Variants in ANTXR2 observed in about 807,000 individuals in gnomAD.
ANTXR2 encodes ANTXR cell adhesion molecule 2.
A neutral mutation model predicts 73.7 loss-of-function variants in ANTXR2; 44 were observed. The ratio of observed to expected loss-of-function variants is 0.60; its 90% CI spans 0.47 to 0.77. The LOEUF is 0.77. ANTXR2 is among the 30% of genes least tolerant of loss of function. ANTXR2 has a pLI of 0.00. For missense variants in ANTXR2, 604 were observed against 592.5 expected (o/e 1.02, Z -0.20); for synonymous variants, 217 against 205.9 (o/e 1.05, Z -0.46).
rs986951430 is a variant in ANTXR2, at chr4:79,976,514, G to A, written c.1428+1107C>T. On this transcript the variant is annotated intron_variant, in intron 16 of 16. Coordinates refer to ENST00000403729, the MANE Select transcript of ANTXR2 (RefSeq NM_058172.6). ...TTCCATGACAATGACCCGATGACCC[G>A]GAAGTTGTCACACCTTTTCTAGAAA... Among the ~76,000 whole-genome samples, 6 of 152,164 alleles carry A rather than the reference G, an allele frequency of 3.9e-5. No individual in the cohort carries two copies. The South Asian group carries it at 6.2e-4, about 16-fold the overall frequency.
chr4:79,997,084 G>T (rs555465043), intron 12 of ANTXR2, among the ~76,000 whole-genome samples: 1 of 151,556 alleles, frequency 6.6e-6, no homozygotes, highest in South Asian at 2.1e-4. Context: ...AAAGTTAGCT[G>T]CTTCAGGCAA....
intron 16 of ANTXR2, among the ~76,000 whole-genome samples, chr4:79,908,327 C>G (rs1374856996): frequency 6.6e-6 from 1 of 152,128 alleles, no homozygotes; most frequent in Non-Finnish European, 1.5e-5. Context: ...CTTACAATAG[C>G]TGCTCTCAAA....
At chr4:80,062,550 A>AG (rs1734311596) in intron 3 of ANTXR2, among the ~76,000 whole-genome samples, 1 of 152,230 alleles carries the variant, frequency 6.6e-6, no homozygotes, top group Admixed American at 6.5e-5. Flanking sequence ...TGGACCCCTC[A>AG]GGTTTAGCAC....
At chr4:79,955,259 T>C (rs1728845345) in intron 16 of ANTXR2, among the ~76,000 whole-genome samples, 1 of 152,154 alleles carries the variant, frequency 6.6e-6, no homozygotes. Flanking sequence ...CCTTACTCTC[T>C]TTCATATGCA....
Position 79,980,921 on chromosome 4 carries a change from T to TAAAAAAAA in ANTXR2, c.1180-2755_1180-2748dup, listed in dbSNP as rs11397721. ...TTTACTTTTCCTAGTTTAAGGGCTT[T>TAAAAAAAA]AAAAAAAAAAAAAAAAAAAAAGAGA... On this transcript the variant is annotated intron_variant, in intron 14 of 16. Coordinates refer to ENST00000403729, the MANE Select transcript of ANTXR2 (RefSeq NM_058172.6). 3.0e-3 allele frequency among the ~76,000 whole-genome samples: 409 copies of TAAAAAAAA among 137,492 alleles called. 3 individuals carry two copies. Among genetic ancestry groups the TAAAAAAAA allele is most frequent in the African/African-American group, 0.011 (389 of 36,446 alleles). The allele number at this position is 137,492 out of a possible 152,430, so 90.2% of individuals were successfully genotyped here.
intron 12 of ANTXR2, among the ~76,000 whole-genome samples, chr4:79,997,005 C>T (rs769135260): frequency 2.6e-5 from 4 of 151,372 alleles, no homozygotes; most frequent in East Asian, 1.9e-4. Context: ...GGAAGGATTA[C>T]ATCTCATCTA....
At chr4:79,985,794 C>T (rs1442860693) in intron 12 of ANTXR2, among the ~76,000 whole-genome samples, 3 of 151,898 alleles carry the variant, frequency 2.0e-5, no homozygotes, top group African/African-American at 7.3e-5. Flanking sequence ...AGCCAAGACC[C>T]CTTTCCTGTG....
chr4:79,991,213 T>C (rs1439148258), intron 12 of ANTXR2, among the ~76,000 whole-genome samples: 1 of 151,696 alleles, frequency 6.6e-6, no homozygotes, highest in East Asian at 1.9e-4. Context: ...CCAGTAAAGG[T>C]CTAATATCCA....
intron 16 of ANTXR2, among the ~76,000 whole-genome samples, chr4:79,927,919 A>G (rs1002114840): frequency 9.2e-5 from 14 of 152,224 alleles, no homozygotes; most frequent in African/African-American, 2.7e-4. Context: ...GTGGAAATGT[A>G]AAATGGTGTA....
intron 8 of ANTXR2, among the ~76,000 whole-genome samples, chr4:80,035,651 G>C (rs1339808749): frequency 1.3e-5 from 2 of 152,058 alleles, no homozygotes; most frequent in Non-Finnish European, 2.9e-5. Flanking sequence ...ATACCTGACT[G>C]TTTGTATAAT....
At position 80,072,760 on chromosome 4, in the gene ANTXR2, C is replaced by A. The variant is rs927409433; in HGVS notation, c.-200G>T. 1.6e-6 allele frequency: 2 copies of A among 1,260,790 alleles called. No individual in the cohort carries two copies. Among genetic ancestry groups the A allele is most frequent in the East Asian group, 3.2e-5 (1 of 31,392 alleles). The allele number at this position is 1,260,790 out of a possible 1,614,324, so 78.1% of individuals were successfully genotyped here. On this transcript the variant is annotated 5_prime_UTR_variant, in exon 1 of 17. Transcript: ENST00000403729. Reference sequence around the variant, plus strand: ...GTCCTGAGAGGACAAAGGGAGTCTCCGCCACCGCCGCAGCTGCCGCCGGAA... The same window carrying A: ...GTCCTGAGAGGACAAAGGGAGTCTCAGCCACCGCCGCAGCTGCCGCCGGAA...
Position 79,997,903 on chromosome 4 carries a change from A to G in ANTXR2, c.1041+10618T>C, listed in dbSNP as rs150179343. ...ACCATGAAAGCATGAAAGACCTAAC[A>G]TCACACTCTATTTCAAGAAGGCAAC... is the stretch of plus-strand genomic sequence containing the variant. On this transcript the variant is annotated intron_variant, in intron 12 of 16. Transcript: ENST00000403729. Among the ~76,000 whole-genome samples the G allele has an allele frequency of 2.4e-4, 36 of 152,106 alleles. No individual in the cohort carries two copies. In the East Asian group the frequency reaches 7.0e-3, roughly 29 times the overall value.
rs983898416 is a variant in ANTXR2 at position 80,011,272 on chromosome 4, TATCTA to T, written c.946-2661_946-2657del. Among the ~76,000 whole-genome samples, 3 of 20,698 alleles carry T rather than the reference TATCTA, an allele frequency of 1.4e-4. No homozygotes were observed. In the Admixed American group the frequency reaches 2.0e-3, roughly 14 times the overall value. 13.6% of individuals were successfully genotyped at this position (20,698 alleles called of 152,430 possible). ...CAGGGAAAATGCAACCTGGTCTTGC[TATCTA>T]TCTATCTATCTATCTATCTATCTAT... On this transcript the variant is annotated intron_variant, in intron 11 of 16. Transcript: ENST00000403729.
chr4:79,935,075 C>T (rs1004939682), intron 16 of ANTXR2, among the ~76,000 whole-genome samples: 1 of 151,596 alleles, frequency 6.6e-6, no homozygotes, highest in African/African-American at 2.4e-5. Flanking sequence ...CCCATGTACC[C>T]TAAAACTTAA....
At chr4:79,949,402 C>T (rs527411886) in intron 16 of ANTXR2, among the ~76,000 whole-genome samples, 41 of 152,304 alleles carry the variant, frequency 2.7e-4, no homozygotes, top group Admixed American at 4.6e-4. Flanking sequence ...TCAGCTGCAG[C>T]AGCTGTCACT....
chr4:79,929,957 C>T (rs937913139), intron 16 of ANTXR2, among the ~76,000 whole-genome samples: 1 of 152,140 alleles, frequency 6.6e-6, no homozygotes, highest in African/African-American at 2.4e-5. Flanking sequence ...GGTCCTGTGA[C>T]AAGTACTATT....
At chr4:79,927,645 T>C (rs1031613067) in intron 16 of ANTXR2, among the ~76,000 whole-genome samples, 7 of 152,210 alleles carry the variant, frequency 4.6e-5, no homozygotes, top group Non-Finnish European at 1.0e-4. Flanking sequence ...AATCTGAGAA[T>C]GTGGAACCCA....
At position 80,072,778 on chromosome 4, in the gene ANTXR2, C is replaced by A. The variant is rs552042966; in HGVS notation, c.-218G>T. On this transcript the variant is annotated 5_prime_UTR_variant, in exon 1 of 17. Coordinates refer to ENST00000403729, the MANE Select transcript of ANTXR2 (RefSeq NM_058172.6). ...GAGTCTCCGCCACCGCCGCAGCTGC[C>A]GCCGGAACTCTTGACGAATCCCAGT... 1 of 1,217,252 alleles carries A rather than the reference C, an allele frequency of 8.2e-7. No individual in the cohort carries two copies. The highest frequency in any genetic ancestry group is 1.6e-5 in the African/African-American group (1 of 63,250). The allele number at this position is 1,217,252 out of a possible 1,614,324, so 75.4% of individuals were successfully genotyped here.
At chr4:79,979,870 T>C (rs967026434) in intron 14 of ANTXR2, among the ~76,000 whole-genome samples, 1 of 152,066 alleles carries the variant, frequency 6.6e-6, no homozygotes, top group Admixed American at 6.6e-5. Context: ...AGATACACAA[T>C]TAAGTAAAGA....
Sources: gnomAD v4.1 joint callset for allele counts (sites outside exome capture counted in the v4.1 genomes callset) on GRCh38, gnomAD v4.1.1 for gene constraint, MANE v1.5 for transcripts, NCBI Gene and HGNC (gene_info 2026-07-23, HGNC 2026-07-21) for gene names.